SKA2: variants seen among roughly 807,000 people sequenced by gnomAD.
SKA2 encodes spindle and kinetochore associated complex subunit 2, also known as spindle and kinetochore-associated protein 2.
In SKA2, 13 loss-of-function variants were observed where a neutral mutation model predicts 16.9. That is an observed-to-expected ratio of 0.77 (90% CI 0.50 to 1.22). The LOEUF (loss-of-function observed/expected upper bound fraction) is 1.22, where lower values mean the gene tolerates loss of function less well. Among genes scored for constraint, SKA2 ranks in the 50% most tolerant of loss-of-function variants. The pLI is 0.00. For missense variants in SKA2, 107 were observed against 139.7 expected, an observed-to-expected ratio of 0.77 and a Z score of 1.18; for synonymous variants, 47 against 48.5, an observed-to-expected ratio of 0.97 and a Z score of 0.13.
At chr17:59,128,585 C>T (rs1237484665) in intron 2 of SKA2, among the ~76,000 whole-genome samples, 3 of 149,380 alleles carry the variant, frequency 2.0e-5, no homozygotes, top group African/African-American at 7.4e-5. Context: ...GAGATAGTGC[C>T]ACTTCACTCC....
intron 2 of SKA2, among the ~76,000 whole-genome samples, chr17:59,131,065 G>C (rs999637416): frequency 1.3e-5 from 2 of 152,016 alleles, no homozygotes; most frequent in Non-Finnish European, 2.9e-5. Context: ...TTTTTTAAAG[G>C]TTAGGGGAAA....
intron 1 of SKA2, 30 bp downstream of exon 1, chr17:59,155,100 AC>A (rs1388780654): frequency 2.5e-6 from 4 of 1,613,676 alleles, no homozygotes; most frequent in Non-Finnish European, 3.4e-6. Flanking sequence ...AAAATAAACT[AC>A]CCAGTAGATC....
At chr17:59,143,193 AT>A (rs1165185717) in intron 1 of SKA2, among the ~76,000 whole-genome samples, 1 of 151,724 alleles carries the variant, frequency 6.6e-6, no homozygotes, top group Non-Finnish European at 1.5e-5. Context: ...ATTTCCCTAT[AT>A]TTTATCCAAA....
At chr17:59,139,202 C>T (rs1037844484) in intron 1 of SKA2, among the ~76,000 whole-genome samples, 2 of 151,802 alleles carry the variant, frequency 1.3e-5, no homozygotes, top group Admixed American at 6.6e-5. Context: ...TTGAGACCAT[C>T]CTGGCTAACA....
At chr17:59,148,774 A>T (rs891982030) in intron 1 of SKA2, among the ~76,000 whole-genome samples, 4 of 143,624 alleles carry the variant, frequency 2.8e-5, no homozygotes, top group African/African-American at 1.1e-4. Flanking sequence ...CCGCCACTGT[A>T]CTGCAACCTG....
intron 3 of SKA2, among the ~76,000 whole-genome samples, chr17:59,114,763 G>A (rs979654459): frequency 4.6e-5 from 7 of 152,162 alleles, no homozygotes; most frequent in Non-Finnish European, 7.4e-5. Flanking sequence ...CAAACAGGCT[G>A]GCTGAAACAA....
chr17:59,144,998 A>G (rs1190544813), intron 1 of SKA2, among the ~76,000 whole-genome samples: 1 of 152,086 alleles, frequency 6.6e-6, no homozygotes, highest in Non-Finnish European at 1.5e-5. Flanking sequence ...GGGTTTCACC[A>G]TGTTGCCCAG....
rs368907715 is a variant in SKA2, at chr17:59,117,110, C to T, written c.297+2209G>A. On this transcript the variant is annotated intron_variant, in intron 3 of 3. Coordinates refer to ENST00000330137, the MANE Select transcript of SKA2 (RefSeq NM_182620.4). ...GATTACAGGTGTGAGCCACCGCACC[C>T]GGCCTCTTTGGCTTTCCTAACTAAT... Among the ~76,000 whole-genome samples the T allele has an allele frequency of 5.3e-5, 8 of 152,026 alleles. No individual in the cohort carries two copies. The East Asian group carries it at 1.2e-3, about 22-fold the overall frequency.
chr17:59,152,857 AG>A (rs1233489541), intron 1 of SKA2, among the ~76,000 whole-genome samples: 1 of 151,756 alleles, frequency 6.6e-6, no homozygotes, highest in Non-Finnish European at 1.5e-5. Context: ...ATAACCTGAA[AG>A]GAAAAAAAAA....
chr17:59,115,334 A>G (rs1284700122), intron 3 of SKA2, among the ~76,000 whole-genome samples: 1 of 152,102 alleles, frequency 6.6e-6, no homozygotes, highest in African/African-American at 2.4e-5. Flanking sequence ...CTGGGATTAC[A>G]GGCGTGAGCC....
chr17:59,112,403 T>A, intron 3 of SKA2, 58 bp from the exon 4 acceptor site: 1 of 1,307,136 alleles, frequency 7.7e-7, no homozygotes, highest in Non-Finnish European at 1.1e-6. Context: ...TAAATCAGTT[T>A]AGTTAACTTC....
At position 59,154,931 on chromosome 17, in the gene SKA2, G is replaced by C. The variant is rs1599685305; in HGVS notation, c.33+200C>G. ...CAGCATCTCCCGCCATTTCCCTGACGAGTTTCCCGGATGTAACCCCTTACC... is the reference window on the plus strand; with the variant it reads ...CAGCATCTCCCGCCATTTCCCTGACCAGTTTCCCGGATGTAACCCCTTACC... On this transcript the variant is annotated intron_variant, in intron 1 of 3. Coordinates refer to ENST00000330137, the MANE Select transcript of SKA2 (RefSeq NM_182620.4). 6 of 1,610,900 alleles carry C rather than the reference G, an allele frequency of 3.7e-6. No individual in the cohort carries two copies. In the African/African-American group the frequency reaches 4.0e-5, roughly 11 times the overall value.
chr17:59,122,164 G>A (rs1318934797), intron 2 of SKA2, among the ~76,000 whole-genome samples: 1 of 152,136 alleles, frequency 6.6e-6, no homozygotes, highest in Non-Finnish European at 1.5e-5. Flanking sequence ...GGCTGAATTA[G>A]TGAAAAGTAT....
chr17:59,150,850 G>T (rs1359801398), intron 1 of SKA2, among the ~76,000 whole-genome samples: 1 of 152,106 alleles, frequency 6.6e-6, no homozygotes, highest in Non-Finnish European at 1.5e-5. Flanking sequence ...CCTAAAGTTT[G>T]ACAGAACCTA....
chr17:59,150,438 C>CTT (rs2046568339), intron 1 of SKA2, among the ~76,000 whole-genome samples: 1 of 152,018 alleles, frequency 6.6e-6, no homozygotes, highest in Non-Finnish European at 1.5e-5. Flanking sequence ...AAAATTAACA[C>CTT]CAATTAAGAT....
intron 2 of SKA2, among the ~76,000 whole-genome samples, chr17:59,124,935 GT>G (rs1247325816): frequency 2.7e-5 from 4 of 149,870 alleles, no homozygotes; most frequent in African/African-American, 9.8e-5. Flanking sequence ...CGCATAGCCT[GT>G]TTTATTTGAG....
At chr17:59,116,358 G>C (rs990042391) in intron 3 of SKA2, among the ~76,000 whole-genome samples, 1 of 152,112 alleles carries the variant, frequency 6.6e-6, no homozygotes, top group African/African-American at 2.4e-5. Context: ...CGGCGACAGA[G>C]GGAGACTCCG....
chr17:59,117,807 T>C (rs1007757322), intron 3 of SKA2: 1 of 152,204 alleles, frequency 6.6e-6, no homozygotes, highest in Non-Finnish European at 1.5e-5. Context: ...TTCTAAAATA[T>C]GACCACCTCT....
chr17:59,135,223 G>C (rs115466596), intron 1 of SKA2, among the ~76,000 whole-genome samples: 1 of 151,618 alleles, frequency 6.6e-6, no homozygotes, highest in Non-Finnish European at 1.5e-5. Flanking sequence ...AAAAAGAGGC[G>C]GTTTCTACTT....
Sources: gnomAD v4.1 joint callset for allele counts (sites outside exome capture counted in the v4.1 genomes callset) on GRCh38, gnomAD v4.1.1 for gene constraint, MANE v1.5 for transcripts, NCBI Gene and HGNC (gene_info 2026-07-23, HGNC 2026-07-21) for gene names.